The following ABLIM2 variants were observed in gnomAD, a reference collection of about 807,000 sequenced individuals.
ABLIM2 encodes actin-binding LIM protein 2.
In ABLIM2, 53 loss-of-function variants were observed where a neutral mutation model predicts 97.7. The ratio of observed to expected loss-of-function variants is 0.54; its 90% CI spans 0.44 to 0.68. The LOEUF is 0.68. Ranked by LOEUF, ABLIM2 falls within the 30% of genes least tolerant of loss-of-function variation. The pLI, the probability that ABLIM2 is intolerant of heterozygous loss-of-function variation, is 0.00. For missense variants in ABLIM2, 835 were observed against 867.2 expected (o/e 0.96, Z 0.47); for synonymous variants, 361 against 345.8 (o/e 1.04, Z -0.49).
intron 1 of ABLIM2, among the ~76,000 whole-genome samples, chr4:8,133,799 G>C (rs1012292598): frequency 6.6e-6 from 1 of 152,228 alleles, no homozygotes; most frequent in African/African-American, 2.4e-5. Flanking sequence ...TCAACAGGGA[G>C]CTGGCCACCA....
chr4:8,080,043 G>A (rs1818789697), intron 5 of ABLIM2, among the ~76,000 whole-genome samples: 1 of 152,174 alleles, frequency 6.6e-6, no homozygotes, highest in Non-Finnish European at 1.5e-5. Context: ...CCGACCCCCA[G>A]CTCCTGGCCC....
At chr4:8,099,522 G>A (rs1476712391) in intron 2 of ABLIM2, among the ~76,000 whole-genome samples, 1 of 152,094 alleles carries the variant, frequency 6.6e-6, no homozygotes, top group East Asian at 1.9e-4. Context: ...GCTGTCCTGA[G>A]TATGCCAAGG....
intron 3 of ABLIM2, among the ~76,000 whole-genome samples, chr4:8,090,980 T>G (rs1248836770): frequency 6.6e-6 from 1 of 151,888 alleles, no homozygotes; most frequent in Non-Finnish European, 1.5e-5. Context: ...GCTTTCCTTT[T>G]GGGTGAATAC....
chr4:8,064,089 G>A (rs181998750), intron 6 of ABLIM2, among the ~76,000 whole-genome samples: 54 of 152,350 alleles, frequency 3.5e-4, no homozygotes, highest in African/African-American at 8.2e-4. Flanking sequence ...CAGAAGCTGC[G>A]TTAGAGATAA....
At position 8,100,482 on chromosome 4, in the gene ABLIM2, C is replaced by G. The variant is rs140668949; in HGVS notation, c.155-3200G>C. On this transcript the variant is annotated intron_variant, in intron 2 of 20. Transcript: ENST00000447017. ...GAGATGAAGGCAGGGTGCGGTGGCT[C>G]ACACCTGAAATACCAGCACTTTGGG... Among the ~76,000 whole-genome samples the G allele has an allele frequency of 6.9e-3, 1,043 of 152,194 alleles. 5 individuals are homozygous for G. The highest frequency in any genetic ancestry group is 0.011 in the Non-Finnish European group (716 of 68,006).
intron 4 of ABLIM2, among the ~76,000 whole-genome samples, chr4:8,086,647 T>A (rs1359703381): frequency 6.6e-6 from 1 of 152,086 alleles, no homozygotes; most frequent in Non-Finnish European, 1.5e-5. Flanking sequence ...ACCCAGCCCA[T>A]GTTTCCCTTT....
intron 1 of ABLIM2, among the ~76,000 whole-genome samples, chr4:8,119,385 T>C (rs142155220): frequency 2.1e-5 from 3 of 145,020 alleles, no homozygotes; most frequent in African/African-American, 7.7e-5. Flanking sequence ...TGGAGTGCAG[T>C]GGCATGATCT....
chr4:8,086,080 A>C (rs1481194962), intron 4 of ABLIM2, among the ~76,000 whole-genome samples: 1 of 152,144 alleles, frequency 6.6e-6, no homozygotes, highest in Non-Finnish European at 1.5e-5. Context: ...AGGAACCAGG[A>C]CTGCTGCTCA....
intron 20 of ABLIM2, among the ~76,000 whole-genome samples, chr4:7,968,085 C>A (rs1414906067): frequency 1.3e-5 from 2 of 152,258 alleles, no homozygotes; most frequent in Non-Finnish European, 2.9e-5. Flanking sequence ...TTCTAGGGAG[C>A]CTGGGACTTT....
intron 10 of ABLIM2, among the ~76,000 whole-genome samples, chr4:8,030,808 G>A (rs1780483645): frequency 6.6e-6 from 1 of 152,190 alleles, no homozygotes; most frequent in Non-Finnish European, 1.5e-5. Flanking sequence ...CTACATGTGG[G>A]TTTGGCAGCT....
intron 1 of ABLIM2, among the ~76,000 whole-genome samples, chr4:8,139,479 C>T (rs1850653180): frequency 6.6e-6 from 1 of 152,160 alleles, no homozygotes; most frequent in Non-Finnish European, 1.5e-5. Context: ...GACATTTACA[C>T]AGCCAACAAA....
At chr4:8,126,462 C>T (rs1210319808) in intron 1 of ABLIM2, among the ~76,000 whole-genome samples, 2 of 151,338 alleles carry the variant, frequency 1.3e-5, no homozygotes, top group Non-Finnish European at 3.0e-5. Context: ...CTCACTCCCC[C>T]TGCCTCCCTT....
At chr4:8,099,363 G>A (rs985700191) in intron 2 of ABLIM2, among the ~76,000 whole-genome samples, 34 of 152,162 alleles carry the variant, frequency 2.2e-4, no homozygotes, top group Non-Finnish European at 2.9e-4. Flanking sequence ...TCTTAAAGAC[G>A]TGACGGCGTG....
At chr4:7,969,730 G>GACACACACACACAGACACAC (rs1726115040) in intron 20 of ABLIM2, among the ~76,000 whole-genome samples, 1 of 139,576 alleles carries the variant, frequency 7.2e-6, no homozygotes, top group Non-Finnish European at 1.6e-5. Context: ...CTCTCTCTCT[G>GACACACACACACAGACACAC]ACACACACAC....
Position 8,113,002 on chromosome 4 carries a change from G to A in ABLIM2, c.11-6365C>T, listed in dbSNP as rs907856095. On this transcript the variant is annotated intron_variant, in intron 1 of 20. Transcript: ENST00000447017. This position sits in a 1 kb window ranked among gnomAD's most constrained non-coding sequence, Gnocchi z 4.5. ...GAAGAGGGACATGCCAGGCCAAAAG[G>A]GCATAGGCAGGGGGGCAAACTCCTC... Among the ~76,000 whole-genome samples, 1 of 152,166 alleles carries A rather than the reference G, an allele frequency of 6.6e-6. No homozygotes were observed. Among genetic ancestry groups the A allele is most frequent in the Non-Finnish European group, 1.5e-5 (1 of 68,038 alleles).
intron 9 of ABLIM2, among the ~76,000 whole-genome samples, chr4:8,038,249 G>A (rs1412790403): frequency 1.3e-5 from 2 of 152,186 alleles, no homozygotes; most frequent in Non-Finnish European, 2.9e-5. Flanking sequence ...AACTTGCCCA[G>A]ACTCACAGAG....
chr4:8,053,946 T>C (rs952393668), intron 8 of ABLIM2, among the ~76,000 whole-genome samples: 6 of 152,200 alleles, frequency 3.9e-5, no homozygotes, highest in Non-Finnish European at 8.8e-5. Flanking sequence ...TTTACGTAGA[T>C]TACCTTGCCT....
chr4:8,051,934 C>T (rs973451916), intron 8 of ABLIM2, among the ~76,000 whole-genome samples: 10 of 152,194 alleles, frequency 6.6e-5, no homozygotes, highest in African/African-American at 1.2e-4. Flanking sequence ...ACTGCCACCT[C>T]GAGCCCGTGT....
At chr4:8,110,336 TC>T (rs2152785056) in intron 1 of ABLIM2, among the ~76,000 whole-genome samples, 1 of 152,278 alleles carries the variant, frequency 6.6e-6, no homozygotes, top group African/African-American at 2.4e-5. Context: ...AGCTTCAGAT[TC>T]CCGGGGGACA....
Sources: allele counts gnomAD v4.1 joint callset (sites outside exome capture counted in the v4.1 genomes callset), GRCh38; gene constraint gnomAD v4.1.1; non-coding constraint Gnocchi (gnomAD v3.1); transcripts MANE v1.5; gene names NCBI Gene and HGNC (gene_info 2026-07-23, HGNC 2026-07-21).